The following SNRPN variants were observed in gnomAD, a reference collection of about 807,000 sequenced individuals.
SNRPN encodes the protein small nuclear ribonucleoprotein-associated protein N.
SNRPN carries 7 observed loss-of-function variants against 25.2 expected under a neutral mutation model. The ratio of observed to expected loss-of-function variants is 0.28; its 90% CI spans 0.16 to 0.52. The LOEUF (loss-of-function observed/expected upper bound fraction) is 0.52, where lower values mean the gene tolerates loss of function less well. SNRPN is among the 20% of genes least tolerant of loss of function. SNRPN has a pLI of 0.96. For missense variants in SNRPN, 196 were observed against 322.5 expected (o/e 0.61, Z 3.00); for synonymous variants, 124 against 110.6 (o/e 1.12, Z -0.76).
Position 24,955,830 on chromosome 15 carries a change from G to A in SNRPN, c.-391+768G>A, listed in dbSNP as rs550556942. ...GGTGGACTTTGGCGGCGGTAGGCATGGCGGCGGTGGGCATGGCATGGAGGC... is the reference window on the plus strand; with the variant it reads ...GGTGGACTTTGGCGGCGGTAGGCATAGCGGCGGTGGGCATGGCATGGAGGC... On this transcript the variant is annotated intron_variant, in intron 1 of 9. Coordinates refer to ENST00000390687, the MANE Select transcript of SNRPN (RefSeq NM_003097.6). Among the ~76,000 whole-genome samples the A allele has an allele frequency of 3.6e-4, 55 of 151,786 alleles. 1 individual carries two copies. In the South Asian group the frequency reaches 0.011, roughly 30 times the overall value.
chr15:24,843,308 G>T (rs977550633), intron 2 of SNRPN, among the ~76,000 whole-genome samples: 2 of 152,102 alleles, frequency 1.3e-5, no homozygotes, highest in African/African-American at 4.8e-5. Context: ...CATTCATCTT[G>T]GGAAAATAGA....
intron 2 of SNRPN, among the ~76,000 whole-genome samples, chr15:24,965,175 C>T (rs76938898): frequency 6.6e-6 from 1 of 152,174 alleles, no homozygotes; most frequent in Non-Finnish European, 1.5e-5. Flanking sequence ...TCTCCTACTT[C>T]CTACCAAATC....
At chr15:24,848,778 G>T (rs1039715120) in intron 2 of SNRPN, 4 of 151,984 alleles carry the variant, frequency 2.6e-5, no homozygotes, top group African/African-American at 4.8e-5. Context: ...AATCTGAGAG[G>T]TGTTGTAGGG....
chr15:24,967,944 C>T lies in SNRPN; in HGVS notation c.-282C>T, dbSNP rs779865576. ...GCTCTTGTTGTAGGTGTCAGTTGTA[C>T]CCGAGGCGTTCTCAGCAGCAGCAAG... On this transcript the variant is annotated 5_prime_UTR_variant, in exon 3 of 10. Coordinates refer to ENST00000390687, the MANE Select transcript of SNRPN (RefSeq NM_003097.6). The T allele has an allele frequency of 1.9e-6, 3 of 1,613,678 alleles. No homozygotes were observed. The highest frequency in any genetic ancestry group is 1.7e-5 in the Admixed American group (1 of 59,970).
At chr15:24,843,971 T>TG in intron 2 of SNRPN, among the ~76,000 whole-genome samples, 1 of 148,510 alleles carries the variant, frequency 6.7e-6, no homozygotes, top group African/African-American at 2.5e-5. Flanking sequence ...GACTCTGTCT[T>TG]GAAAAAAAAA....
At chr15:24,898,338 G>A (rs1334652656) in intron 2 of SNRPN, among the ~76,000 whole-genome samples, 2 of 152,074 alleles carry the variant, frequency 1.3e-5, no homozygotes, top group Admixed American at 6.5e-5. Flanking sequence ...GCCTGTAATC[G>A]CAGCACTTTG....
At chr15:24,968,423 C>T (rs1169550678) in intron 3 of SNRPN, 1 of 186,118 alleles carries the variant, frequency 5.4e-6, no homozygotes, top group African/African-American at 2.4e-5. Flanking sequence ...TTTTTTCTGC[C>T]AGTAGTTTGA....
intron 2 of SNRPN, chr15:24,909,059 T>C: frequency 7.0e-7 from 1 of 1,420,662 alleles, no homozygotes; most frequent in Admixed American, 1.7e-5. Flanking sequence ...CTTGGGCTTA[T>C]TTTCATAGAC....
At chr15:24,849,834 G>A (rs2145477392) in intron 2 of SNRPN, 1 of 152,242 alleles carries the variant, frequency 6.6e-6, no homozygotes, top group South Asian at 2.1e-4. Context: ...ACGACTATAC[G>A]CATAATTGCC....
intron 3 of SNRPN, among the ~76,000 whole-genome samples, chr15:24,970,407 C>T (rs2076249149): frequency 6.6e-6 from 1 of 151,988 alleles, no homozygotes; most frequent in South Asian, 2.1e-4. Context: ...GGCGAAACCC[C>T]ATCTGTTCTA....
intron 2 of SNRPN, among the ~76,000 whole-genome samples, chr15:24,905,225 G>T (rs994473837): frequency 1.3e-5 from 2 of 152,058 alleles, no homozygotes; most frequent in Non-Finnish European, 1.5e-5. Flanking sequence ...AAAATAACAG[G>T]GAGGACCGGG....
intron 1 of SNRPN, among the ~76,000 whole-genome samples, chr15:24,858,299 G>A (rs2053624623): frequency 6.6e-6 from 1 of 152,112 alleles, no homozygotes; most frequent in African/African-American, 2.4e-5. Flanking sequence ...AAGTTCGCGG[G>A]GAATGAACAA....
intron 2 of SNRPN, chr15:24,911,243 A>G (rs2059195793): frequency 2.3e-6 from 1 of 443,144 alleles, no homozygotes. Flanking sequence ...TTTTTTAAAT[A>G]AGTTCAGGAG....
intron 1 of SNRPN, among the ~76,000 whole-genome samples, chr15:24,868,496 T>A (rs1366934322): frequency 6.6e-6 from 1 of 152,198 alleles, no homozygotes; most frequent in Non-Finnish European, 1.5e-5. Flanking sequence ...GTGATGTACC[T>A]TCAGCTGTGC....
intron 2 of SNRPN, among the ~76,000 whole-genome samples, chr15:24,889,297 T>G (rs4307928): frequency 0.71 from 108,011 of 151,850 alleles, 38,530 homozygotes; most frequent in East Asian, 0.86. Flanking sequence ...CAAGTAATAT[T>G]AATTTTTTTA....
In SNRPN at chr15:24,931,918, G is replaced by A. The variant is rs150072298; in HGVS notation, c.-391+11794G>A. Among the ~76,000 whole-genome samples the A allele has an allele frequency of 1.3e-3, 192 of 149,196 alleles. 1 individual carries two copies. The highest frequency in any genetic ancestry group is 4.6e-3 in the African/African-American group (186 of 40,640). On this transcript the variant is annotated intron_variant, in intron 3 of 11. Transcript: ENST00000400097. The stretch of plus-strand genomic sequence containing the variant: ...AAATCAGGGAATAGGAGGGAGTTGA[G>A]TTGTGGGGTAGGGTATGCTCAGTTG...
chr15:24,964,794 G>C (rs1186032086), intron 2 of SNRPN, among the ~76,000 whole-genome samples: 1 of 152,052 alleles, frequency 6.6e-6, no homozygotes, highest in Non-Finnish European at 1.5e-5. Context: ...ACCTCAGTGT[G>C]GACTAAATAA....
upstream of SNRPN, among the ~76,000 whole-genome samples, chr15:24,855,987 T>A (rs895094500): frequency 5.3e-5 from 8 of 152,116 alleles, no homozygotes; most frequent in African/African-American, 1.9e-4. Flanking sequence ...ATAGAAAAAT[T>A]CACATTTCCC....
At chr15:24,953,230 C>T (rs558626175), upstream of SNRPN, among the ~76,000 whole-genome samples, 1 of 152,302 alleles carries the variant, frequency 6.6e-6, no homozygotes, top group Non-Finnish European at 1.5e-5. Flanking sequence ...ATCAAAAGAG[C>T]CTGAGTCCAA....
Sources: allele counts gnomAD v4.1 joint callset (sites outside exome capture counted in the v4.1 genomes callset), GRCh38; gene constraint gnomAD v4.1.1; transcripts MANE v1.5; gene names NCBI Gene and HGNC (gene_info 2026-07-23, HGNC 2026-07-21).